Variants in HS3ST4 observed in about 807,000 individuals in gnomAD.
The protein encoded by HS3ST4 is heparan sulfate-glucosamine 3-sulfotransferase 4.
A neutral mutation model predicts 29.2 loss-of-function variants in HS3ST4; 17 were observed. The ratio of observed to expected loss-of-function variants is 0.58; its 90% CI spans 0.40 to 0.87. The LOEUF is 0.87. HS3ST4 is among the 40% of genes least tolerant of loss of function. The probability of loss-of-function intolerance (pLI) is 0.00; values close to 1 mark genes in which losing one functional copy is unlikely to be tolerated. For synonymous variants in HS3ST4, 314 were observed against 285.7 expected, an observed-to-expected ratio of 1.10 and a Z score of -1.00; for missense variants, 627 against 634.5, an observed-to-expected ratio of 0.99 and a Z score of 0.13.
intron 1 of HS3ST4, among the ~76,000 whole-genome samples, chr16:26,124,346 T>C (rs1899314982): frequency 6.6e-6 from 1 of 152,204 alleles, no homozygotes; most frequent in South Asian, 2.1e-4. Context: ...TTTCTTTTTT[T>C]TCTCTTTCTC....
chr16:25,967,397 G>T (rs892291353), intron 1 of HS3ST4, among the ~76,000 whole-genome samples: 1 of 151,984 alleles, frequency 6.6e-6, no homozygotes, highest in African/African-American at 2.4e-5. Flanking sequence ...CTCGTGATCC[G>T]CCCACCTCAG....
chr16:25,753,953 A>G (rs1289994865), intron 1 of HS3ST4, among the ~76,000 whole-genome samples: 2 of 152,234 alleles, frequency 1.3e-5, no homozygotes, highest in Non-Finnish European at 1.5e-5. Flanking sequence ...AGTGGGAGGC[A>G]TAAAATAAAC....
chr16:26,111,889 C>A (rs1204800291), intron 1 of HS3ST4, among the ~76,000 whole-genome samples: 1 of 151,862 alleles, frequency 6.6e-6, no homozygotes. Context: ...TGATGATGGG[C>A]GCCTGTAGTC....
intron 1 of HS3ST4, among the ~76,000 whole-genome samples, chr16:26,036,278 T>A (rs765982690): frequency 5.9e-5 from 9 of 152,198 alleles, no homozygotes; most frequent in Admixed American, 1.3e-4. Flanking sequence ...TATTCATGGA[T>A]TGGGGGAAGC....
chr16:25,990,287 C>T (rs763938796), intron 1 of HS3ST4, among the ~76,000 whole-genome samples: 1 of 152,140 alleles, frequency 6.6e-6, no homozygotes, highest in Non-Finnish European at 1.5e-5. Flanking sequence ...AGTGTGATTG[C>T]TGGGTTATAT....
intron 1 of HS3ST4, chr16:26,032,763 C>G (rs1307337322): frequency 1.2e-5 from 14 of 1,192,098 alleles, no homozygotes; most frequent in Non-Finnish European, 1.4e-5. Context: ...TCGTCCTTCA[C>G]CTTGGCTTTA....
intron 1 of HS3ST4, among the ~76,000 whole-genome samples, chr16:25,772,206 T>C (rs1966843363): frequency 6.6e-6 from 1 of 152,236 alleles, no homozygotes; most frequent in Admixed American, 6.5e-5. Flanking sequence ...TTTGGGCTTC[T>C]CTTATCACAA....
At chr16:26,132,150 G>A (rs182858994) in intron 1 of HS3ST4, among the ~76,000 whole-genome samples, 14 of 152,236 alleles carry the variant, frequency 9.2e-5, no homozygotes, top group East Asian at 5.8e-4. Context: ...GACTGCATCC[G>A]TTTTGTTTAC....
chr16:25,820,125 C>T (rs1282510185), intron 1 of HS3ST4, among the ~76,000 whole-genome samples: 1 of 65,668 alleles, frequency 1.5e-5, no homozygotes, highest in South Asian at 4.2e-4. Flanking sequence ...GAAACGTGCT[C>T]TTCTCCCATT....
At chr16:26,012,769 T>A (rs1969322626) in intron 1 of HS3ST4, among the ~76,000 whole-genome samples, 1 of 152,212 alleles carries the variant, frequency 6.6e-6, no homozygotes, top group South Asian at 2.1e-4. Flanking sequence ...TAAATGCTCA[T>A]TGAATAAATA....
At chr16:25,820,808 T>G (rs1431859629) in intron 1 of HS3ST4, among the ~76,000 whole-genome samples, 1 of 151,898 alleles carries the variant, frequency 6.6e-6, no homozygotes, top group South Asian at 2.1e-4. Context: ...TAGGCTCAAG[T>G]GATCTTCCTG....
intron 1 of HS3ST4, among the ~76,000 whole-genome samples, chr16:25,940,717 G>A (rs1458032632): frequency 2.6e-5 from 4 of 152,312 alleles, no homozygotes; most frequent in Middle Eastern, 3.4e-3. Flanking sequence ...CTCTTGGGAG[G>A]TTGGAGCATG....
chr16:26,117,151 G>A (rs1279741500), intron 1 of HS3ST4, among the ~76,000 whole-genome samples: 1 of 152,190 alleles, frequency 6.6e-6, no homozygotes, highest in Non-Finnish European at 1.5e-5. Flanking sequence ...AATCCTCCCT[G>A]TGGGGACTAA....
At chr16:25,795,521 A>G (rs554633827) in intron 1 of HS3ST4, among the ~76,000 whole-genome samples, 2 of 152,356 alleles carry the variant, frequency 1.3e-5, no homozygotes, top group Admixed American at 1.3e-4. Context: ...CATTTAAATC[A>G]AAGTTCAAAG....
At chr16:25,703,380 C>T (rs534153196) in intron 1 of HS3ST4, among the ~76,000 whole-genome samples, 34 of 152,204 alleles carry the variant, frequency 2.2e-4, no homozygotes, top group African/African-American at 7.2e-4. Context: ...GGCTTGGCTC[C>T]GAGTATTGAA....
intron 1 of HS3ST4, among the ~76,000 whole-genome samples, chr16:26,075,941 T>C (rs1386564084): frequency 2.0e-5 from 3 of 152,210 alleles, no homozygotes; most frequent in Admixed American, 2.0e-4. Flanking sequence ...ACAAATTTAA[T>C]AGTTTGTCCC....
At chr16:26,135,019 G>GT (rs201865809) in intron 1 of HS3ST4, among the ~76,000 whole-genome samples, 2 of 150,148 alleles carry the variant, frequency 1.3e-5, no homozygotes, top group Non-Finnish European at 1.5e-5. Flanking sequence ...TATCTTTTTG[G>GT]TTTTTTTTTC....
intron 1 of HS3ST4, among the ~76,000 whole-genome samples, chr16:26,079,253 A>G (rs1392932748): frequency 6.6e-6 from 1 of 152,244 alleles, no homozygotes; most frequent in Non-Finnish European, 1.5e-5. Flanking sequence ...AGGAATAAAC[A>G]GAATAATCTG....
chr16:26,118,801 G>A lies in HS3ST4; in HGVS notation c.735-16811G>A, dbSNP rs9937635. On this transcript the variant is annotated intron_variant, in intron 1 of 1. Coordinates refer to ENST00000331351, the MANE Select transcript of HS3ST4 (RefSeq NM_006040.3). ...AGTATTTGGGGACACAGAGAAGGCCGGTGTTGCTGGGACTTTGTTGAAACG... is the reference window on the plus strand; with the variant it reads ...AGTATTTGGGGACACAGAGAAGGCCAGTGTTGCTGGGACTTTGTTGAAACG... Among the ~76,000 whole-genome samples, 902 of 152,166 alleles carry A rather than the reference G, an allele frequency of 5.9e-3. 8 individuals carry two copies. Among genetic ancestry groups the A allele is most frequent in the African/African-American group, 0.02 (837 of 41,524 alleles).
Sources: allele counts gnomAD v4.1 joint callset (sites outside exome capture counted in the v4.1 genomes callset), GRCh38; gene constraint gnomAD v4.1.1; transcripts MANE v1.5; gene names NCBI Gene and HGNC (gene_info 2026-07-23, HGNC 2026-07-21).